RPL37: variants seen among roughly 807,000 people sequenced by gnomAD.
RPL37 encodes large ribosomal subunit protein eL37.
In RPL37, 1 loss-of-function variant was observed where a neutral mutation model predicts 14.8. That is an observed-to-expected ratio of 0.07 (90% CI 0.02 to 0.32). The LOEUF is 0.32. Among genes scored for constraint, RPL37 ranks in the 10% least tolerant of loss-of-function variants. RPL37 has a pLI of 1.00. For synonymous variants in RPL37, 53 were observed against 45.8 expected, an observed-to-expected ratio of 1.16 and a Z score of -0.63; for missense variants, 100 against 128.3, an observed-to-expected ratio of 0.78 and a Z score of 1.06.
intron 1 of RPL37, 105 bp downstream of exon 1, chr5:40,835,078 A>T: frequency 6.6e-7 from 1 of 1,506,798 alleles, no homozygotes; most frequent in South Asian, 1.1e-5. Context: ...CCAGCCCACC[A>T]GTTCCCCTTA....
chr5:40,834,676 C>A, intron 1 of RPL37, 70 bp from the exon 2 acceptor site: 1 of 1,489,366 alleles, frequency 6.7e-7, no homozygotes. Flanking sequence ...CTCCGGGAAA[C>A]CAATTACTGA....
chr5:40,832,791 G>A (rs572387285), intron 3 of RPL37: 5 of 632,948 alleles, frequency 7.9e-6, no homozygotes, highest in African/African-American at 1.8e-5. Flanking sequence ...AACTGCAACT[G>A]CAATAAAGGC....
rs752528911 is a variant in RPL37, at chr5:40,832,475, A to G, written c.*29T>C. On this transcript the variant is annotated 3_prime_UTR_variant, in exon 4 of 4. Coordinates refer to ENST00000274242, the MANE Select transcript of RPL37 (RefSeq NM_000997.5). ...GATATGTATTTTTTAAAACCAGAACATTTATTGCATGACTAATCGTTGACA... is the reference window on the plus strand; with the variant it reads ...GATATGTATTTTTTAAAACCAGAACGTTTATTGCATGACTAATCGTTGACA... 2.5e-6 allele frequency: 4 copies of G among 1,592,052 alleles called. No individual in the cohort carries two copies. Among genetic ancestry groups the G allele is most frequent in the South Asian group, 2.2e-5 (2 of 90,662 alleles).
chr5:40,833,385 T>C (rs29761), intron 3 of RPL37, among the ~76,000 whole-genome samples: 1 of 152,080 alleles, frequency 6.6e-6, no homozygotes, highest in South Asian at 2.1e-4. Context: ...ACCAGCTTTA[T>C]AGTTAAGTCT....
At position 40,828,376 on chromosome 5, in the gene RPL37, T is replaced by C. The variant is rs389737; in HGVS notation, c.*4128A>G. ...AAATCTGTCAGGGCAGGGTCTTTGTTTTGTTTTCCACTTAAAAGTTTCTGG... is the reference window on the plus strand; with the variant it reads ...AAATCTGTCAGGGCAGGGTCTTTGTCTTGTTTTCCACTTAAAAGTTTCTGG... On this transcript the variant is annotated 3_prime_UTR_variant, in exon 4 of 4. Coordinates refer to ENST00000274242, the MANE Select transcript of RPL37 (RefSeq NM_000997.5). 0.72 allele frequency: 109,994 copies of C among 152,080 alleles called. 39,781 individuals carry two copies. Among genetic ancestry groups the C allele is most frequent in the East Asian group, 0.82 (4,245 of 5,180 alleles). The allele number at this position is 152,080 out of a possible 1,614,324, so 9.4% of individuals were successfully genotyped here. A position where few individuals can be genotyped will look rare whatever the true frequency, so the allele number is the denominator to read the frequency against.
rs1745638018 is a variant in RPL37, at chr5:40,831,439, TTAGC to T, written c.*1061_*1064del. On this transcript the variant is annotated 3_prime_UTR_variant, in exon 4 of 4. Coordinates refer to ENST00000274242, the MANE Select transcript of RPL37 (RefSeq NM_000997.5). ...TTAAAATACAAGATGAGAGTAGCAA[TTAGC>T]TAGCACATTATAAAGCCATTCCAGG... 6.6e-6 allele frequency: 1 copy of T among 152,328 alleles called. No individual in the cohort carries two copies. 9.4% of individuals were successfully genotyped at this position (152,328 alleles called of 1,614,324 possible).
At position 40,826,090 on chromosome 5, in the gene RPL37, A is replaced by G. The variant is rs773581187; in HGVS notation, c.*6414T>C. The stretch of plus-strand genomic sequence containing the variant: ...GTACTGTTTTACCAGTTGTCTTTTT[A>G]AAAAATAACTTTCCTCCAAATAACT... On this transcript the variant is annotated 3_prime_UTR_variant, in exon 4 of 4. Transcript: ENST00000274242. 6.6e-6 allele frequency: 1 copy of G among 152,212 alleles called. No homozygotes were observed. The highest frequency in any genetic ancestry group is 1.5e-5 in the Non-Finnish European group (1 of 68,040). 9.4% of individuals were successfully genotyped at this position (152,212 alleles called of 1,614,324 possible). A position where few individuals can be genotyped will look rare whatever the true frequency, so the allele number is the denominator to read the frequency against.
chr5:40,835,027 A>G, intron 1 of RPL37, 156 bp downstream of exon 1: 1 of 934,736 alleles, frequency 1.1e-6, no homozygotes, highest in Admixed American at 2.0e-5. Context: ...ACCAGTTAGC[A>G]GTCATTCTTC....
At position 40,832,503 on chromosome 5, in the gene RPL37, CT is replaced by C; in HGVS notation, c.294del (p.Ter98=). ...TATTGCATGACTAATCGTTGACATTCTTAAGATGAACTGGATGCTGCAACAG... is the reference window on the plus strand; with the variant it reads ...TATTGCATGACTAATCGTTGACATTCTAAGATGAACTGGATGCTGCAACAG... ...RAAVAASSSS[*>X] On this transcript the variant is annotated frameshift_variant and stop_lost, in exon 4 of 4. Coordinates refer to ENST00000274242, the MANE Select transcript of RPL37 (RefSeq NM_000997.5). LOFTEE classifies it high-confidence loss of function. 1 of 1,612,550 alleles carries C rather than the reference CT, an allele frequency of 6.2e-7. No homozygotes were observed. Among genetic ancestry groups the C allele is most frequent in the East Asian group, 2.2e-5 (1 of 44,864 alleles).
In RPL37 at chr5:40,834,183, G is replaced by C; in HGVS notation, c.222C>G (p.Phe74Leu). 1 of 1,610,956 alleles carries C rather than the reference G, an allele frequency of 6.2e-7. No individual in the cohort carries two copies. Among genetic ancestry groups the C allele is most frequent in the Non-Finnish European group, 8.5e-7 (1 of 1,177,126 alleles). The change falls in exon 3 of 4, where the codon TTC becomes TTG. Residue 74 changes from phenylalanine to leucine, a missense_variant and splice_region_variant. Transcript: ENST00000274242. ...ATGATCGAACATACAAACTGTACCT[G>C]AATCTGCGGTATACAATTTTTAGGT... Reference protein sequence around the residue: ...MRHLKIVYRRFRHGFREGTTP... With the variant: ...MRHLKIVYRRLRHGFREGTTP...
At chr5:40,832,827 T>C (rs1233378105) in intron 3 of RPL37, 1 of 516,152 alleles carries the variant, frequency 1.9e-6, no homozygotes, top group Non-Finnish European at 3.6e-6. Flanking sequence ...GCTATACTAG[T>C]CATTGGGCCA....
rs1341265747 is a variant in RPL37 at position 40,829,669 on chromosome 5, GTGTGTGTGTA to G, written c.*2825_*2834del. The G allele has an allele frequency of 3.6e-5, 2 of 55,366 alleles. No individual in the cohort carries two copies. The highest frequency in any genetic ancestry group is 2.9e-4 in the Admixed American group (1 of 3,424). The allele number at this position is 55,366 out of a possible 1,614,324, so 3.4% of individuals were successfully genotyped here. A position where few individuals can be genotyped will look rare whatever the true frequency, so the allele number is the denominator to read the frequency against. On this transcript the variant is annotated 3_prime_UTR_variant, in exon 4 of 4. Transcript: ENST00000274242. Reference sequence around the variant, plus strand: ...TGCATTTATCCATCATAGTGTGTGTGTGTGTGTGTATATATATATATATATATATCAACAA... The same window carrying G: ...TGCATTTATCCATCATAGTGTGTGTGTATATATATATATATATATCAACAA...
chr5:40,831,769 T>G lies in RPL37; in HGVS notation c.*735A>C, dbSNP rs182453767. On this transcript the variant is annotated 3_prime_UTR_variant, in exon 4 of 4. Transcript: ENST00000274242. ...AACACAGAAACACCCAATTACCAAG[T>G]TGAGGGCTAAAAAAATTCGACCAAG... The G allele has an allele frequency of 2.0e-5, 3 of 152,414 alleles. No homozygotes were observed. The allele number at this position is 152,414 out of a possible 1,614,324, so 9.4% of individuals were successfully genotyped here.
At chr5:40,833,609 T>C (rs1386755502) in intron 3 of RPL37, among the ~76,000 whole-genome samples, 1 of 152,150 alleles carries the variant, frequency 6.6e-6, no homozygotes, top group Non-Finnish European at 1.5e-5. Context: ...ATACTAAAGG[T>C]TGAACCAAGC....
At chr5:40,833,155 G>GA (rs1182747044) in intron 3 of RPL37, among the ~76,000 whole-genome samples, 1 of 152,162 alleles carries the variant, frequency 6.6e-6, no homozygotes, top group African/African-American at 2.4e-5. Context: ...TAAATGCAAA[G>GA]AAAGTTGCTT....
At position 40,832,514 on chromosome 5, in the gene RPL37, C is replaced by A. The variant is rs1561208205; in HGVS notation, c.284G>T (p.Ser95Ile). ...TAATCGTTGACATTCTTAAGATGAA[C>A]TGGATGCTGCAACAGCTGCCCTCTT... ...KPKRAAVAAS[S>I]SS Residue 95 changes from serine (S) to isoleucine (I), a missense_variant, in exon 4 of 4, where the codon AGT (serine) becomes ATT (isoleucine). Physicochemically the swap from Ser to Ile is moderately radical, Grantham distance 142. This residue lies in a region of RPL37 where 74 missense variants were observed against 69.9 expected (regional missense o/e 1.06). Coordinates refer to ENST00000274242, the MANE Select transcript of RPL37 (RefSeq NM_000997.5). 2 of 1,613,376 alleles carry A rather than the reference C, an allele frequency of 1.2e-6. No homozygotes were observed. Among genetic ancestry groups the A allele is most frequent in the Non-Finnish European group, 8.5e-7 (1 of 1,179,574 alleles).
rs1745501209 is a variant in RPL37 at position 40,825,736 on chromosome 5, C to G, written c.*6768G>C. The G allele has an allele frequency of 6.6e-6, 1 of 152,388 alleles. No individual in the cohort carries two copies. Among genetic ancestry groups the G allele is most frequent in the Non-Finnish European group, 1.5e-5 (1 of 68,220 alleles). The allele number at this position is 152,388 out of a possible 1,614,324, so 9.4% of individuals were successfully genotyped here. A position where few individuals can be genotyped will look rare whatever the true frequency, so the allele number is the denominator to read the frequency against. On this transcript the variant is annotated 3_prime_UTR_variant, in exon 4 of 4. Coordinates refer to ENST00000274242, the MANE Select transcript of RPL37 (RefSeq NM_000997.5). The stretch of plus-strand genomic sequence containing the variant: ...CACTTTTTTCTTTTTTTGAGACAGT[C>G]TCGCTGTCACTGAGGCTGGAGTGCA...
At position 40,834,195 on chromosome 5, in the gene RPL37, T is replaced by G; in HGVS notation, c.210A>C (p.Val70=). The change falls in exon 3 of 4, where the codon GTA becomes GTC. Residue 70 remains valine, a synonymous_variant. Transcript: ENST00000274242. ...ACAAACTGTACCTGAATCTGCGGTA[T>G]ACAATTTTTAGGTGCCTCATTCGAC... The part of the protein sequence containing the change: ...GTGRMRHLKI[V]YRRFRHGFRE... 1 of 1,613,492 alleles carries G rather than the reference T, an allele frequency of 6.2e-7. No homozygotes were observed. The highest frequency in any genetic ancestry group is 8.5e-7 in the Non-Finnish European group (1 of 1,179,376).
At chr5:40,834,420 A>G (rs777498245) in intron 2 of RPL37, 51 bp downstream of exon 2, 4 of 1,598,528 alleles carry the variant, frequency 2.5e-6, no homozygotes, top group Non-Finnish European at 3.4e-6. Flanking sequence ...CCCCCACTTA[A>G]GTGCAATACA....
Sources: allele counts gnomAD v4.1 joint callset (sites outside exome capture counted in the v4.1 genomes callset), GRCh38; gene constraint gnomAD v4.1.1; regional missense constraint gnomAD v4.1.1; transcripts MANE v1.5; gene names NCBI Gene and HGNC (gene_info 2026-07-23, HGNC 2026-07-21).